CDH13: variants seen among roughly 807,000 people sequenced by gnomAD.
The protein encoded by CDH13 is cadherin 13, also known as cadherin-13.
Under a neutral mutation model 63.8 loss-of-function variants are expected in CDH13, and 24 were observed. The observed-to-expected ratio is 0.38, with a 90% CI of 0.27 to 0.53. The LOEUF (loss-of-function observed/expected upper bound fraction) is 0.53, where lower values mean the gene tolerates loss of function less well. CDH13 is among the 20% of genes least tolerant of loss of function. The probability of loss-of-function intolerance (pLI) is 0.85; values close to 1 mark genes in which losing one functional copy is unlikely to be tolerated. For missense variants in CDH13, 1,049 were observed against 903.1 expected (o/e 1.16, Z -2.07); for synonymous variants, 503 against 355.3 (o/e 1.42, Z -4.67).
intron 6 of CDH13, among the ~76,000 whole-genome samples, chr16:83,416,016 A>C (rs1012424434): frequency 6.6e-5 from 10 of 152,232 alleles, no homozygotes; most frequent in African/African-American, 2.4e-4. Context: ...GAACCCATTA[A>C]AAACTATTAG....
At chr16:83,381,893 C>G (rs1308177293) in intron 6 of CDH13, among the ~76,000 whole-genome samples, 3 of 152,156 alleles carry the variant, frequency 2.0e-5, no homozygotes, top group Non-Finnish European at 4.4e-5. Context: ...ATATGGATGA[C>G]TTGTGCACCT....
At chr16:83,189,898 A>C (rs1326967139) in intron 4 of CDH13, among the ~76,000 whole-genome samples, 1 of 152,156 alleles carries the variant, frequency 6.6e-6, no homozygotes. Flanking sequence ...ATAGTGAGTA[A>C]GTCTCATGAG....
At chr16:83,505,156 C>G (rs989634617) in intron 7 of CDH13, among the ~76,000 whole-genome samples, 3 of 152,182 alleles carry the variant, frequency 2.0e-5, no homozygotes, top group African/African-American at 7.2e-5. Flanking sequence ...ATTTGGTGCT[C>G]TTATTTCCAC....
intron 4 of CDH13, among the ~76,000 whole-genome samples, chr16:83,160,534 G>A (rs765829849): frequency 6.6e-5 from 10 of 152,106 alleles, no homozygotes; most frequent in South Asian, 2.1e-4. Context: ...ACGTATGGAC[G>A]TAGATCAAAG....
rs533219265 is a variant in CDH13, at chr16:82,694,397, T to G, written c.45+67260T>G. On this transcript the variant is annotated intron_variant, in intron 1 of 13. Transcript: ENST00000567109. The stretch of plus-strand genomic sequence containing the variant: ...CACTATCACTGCAACATTCAGCACT[T>G]TTTTCTGTGTCAATGTGATAGACAA... Among the ~76,000 whole-genome samples, 195 of 152,342 alleles carry G rather than the reference T, an allele frequency of 1.3e-3. 1 individual carries two copies. The highest frequency in any genetic ancestry group is 4.4e-3 in the African/African-American group (185 of 41,580).
chr16:82,646,191 A>T (rs1347268893), intron 1 of CDH13: 1 of 152,200 alleles, frequency 6.6e-6, no homozygotes, highest in East Asian at 1.9e-4. Context: ...CTTTAAACAC[A>T]TTATTGTTAG....
chr16:82,816,671 G>A (rs568361581), intron 1 of CDH13, among the ~76,000 whole-genome samples: 1 of 151,326 alleles, frequency 6.6e-6, no homozygotes, highest in African/African-American at 2.4e-5. Flanking sequence ...GGAGTGAGGG[G>A]GAGATAATAG....
intron 4 of CDH13, among the ~76,000 whole-genome samples, chr16:83,126,338 T>C (rs1187183754): frequency 1.3e-5 from 2 of 152,202 alleles, no homozygotes; most frequent in Non-Finnish European, 2.9e-5. Context: ...GGAGTTGGAT[T>C]GCACAATCTA....
chr16:82,868,108 G>T (rs189911080), intron 2 of CDH13, among the ~76,000 whole-genome samples: 1 of 152,214 alleles, frequency 6.6e-6, no homozygotes, highest in Non-Finnish European at 1.5e-5. Flanking sequence ...CTGAACTGCA[G>T]TCTGGACAGA....
intron 1 of CDH13, among the ~76,000 whole-genome samples, chr16:82,720,527 C>G (rs917500607): frequency 6.6e-6 from 1 of 152,088 alleles, no homozygotes; most frequent in African/African-American, 2.4e-5. Context: ...CTCACACTCA[C>G]TCATACTGGG....
intron 7 of CDH13, among the ~76,000 whole-genome samples, chr16:83,587,654 A>G (rs1037633612): frequency 3.9e-5 from 6 of 152,354 alleles, no homozygotes; most frequent in South Asian, 4.1e-4. Context: ...GAAACCTGGT[A>G]AGATTCATTT....
chr16:83,195,185 T>C (rs1041144831), intron 4 of CDH13, among the ~76,000 whole-genome samples: 2 of 152,164 alleles, frequency 1.3e-5, no homozygotes, highest in African/African-American at 4.8e-5. Context: ...TCCATTATGA[T>C]TGAAGTGGTT....
chr16:83,509,724 T>TA (rs2074511697), intron 7 of CDH13, among the ~76,000 whole-genome samples: 1 of 152,188 alleles, frequency 6.6e-6, no homozygotes, highest in Non-Finnish European at 1.5e-5. Context: ...TTGGTGGTAG[T>TA]AAAAAATACT....
At chr16:82,930,028 T>C (rs1204689001) in intron 2 of CDH13, among the ~76,000 whole-genome samples, 3 of 148,388 alleles carry the variant, frequency 2.0e-5, no homozygotes, top group African/African-American at 4.9e-5. Context: ...ATAAAATGCA[T>C]TAGTTTGTCT....
At chr16:83,200,921 A>ATGTGTGTGTGTGTGTGTG (rs374017580) in intron 4 of CDH13, among the ~76,000 whole-genome samples, 2 of 129,752 alleles carry the variant, frequency 1.5e-5, no homozygotes, top group African/African-American at 5.6e-5. Flanking sequence ...AGTCTTAAAA[A>ATGTGTGTGTGTGTGTGTG]TGTGTGTGTG....
intron 6 of CDH13, among the ~76,000 whole-genome samples, chr16:83,436,556 A>C (rs1411293197): frequency 6.6e-6 from 1 of 152,248 alleles, no homozygotes; most frequent in Non-Finnish European, 1.5e-5. Context: ...CTTTCTTCAA[A>C]GCAGTATGAG....
intron 2 of CDH13, among the ~76,000 whole-genome samples, chr16:82,864,781 C>T (rs2040065985): frequency 6.6e-6 from 1 of 152,288 alleles, no homozygotes; most frequent in Non-Finnish European, 1.5e-5. Flanking sequence ...ACATTCTCAA[C>T]AGTTCCCGAA....
intron 5 of CDH13, among the ~76,000 whole-genome samples, chr16:83,317,426 A>G (rs1197042020): frequency 6.6e-6 from 1 of 152,132 alleles, no homozygotes; most frequent in Non-Finnish European, 1.5e-5. Context: ...CATCAACCAA[A>G]GCAAATCATA....
chr16:82,718,955 G>A (rs2032579680), intron 1 of CDH13, among the ~76,000 whole-genome samples: 1 of 152,210 alleles, frequency 6.6e-6, no homozygotes, highest in Admixed American at 6.5e-5. Context: ...TTTGGTGCGT[G>A]TTGGATGCAT....
Sources: gnomAD v4.1 joint callset for allele counts (sites outside exome capture counted in the v4.1 genomes callset) on GRCh38, gnomAD v4.1.1 for gene constraint, MANE v1.5 for transcripts, NCBI Gene and HGNC (gene_info 2026-07-23, HGNC 2026-07-21) for gene names.